UGGT1: variants seen among roughly 807,000 people sequenced by gnomAD.
UGGT1 encodes the protein UDP-glucose:glycoprotein glucosyltransferase 1.
In UGGT1, 107 loss-of-function variants were observed where a neutral mutation model predicts 203.9. The observed-to-expected ratio is 0.52, with a 90% CI of 0.45 to 0.62. The LOEUF (loss-of-function observed/expected upper bound fraction) is 0.62. Among genes scored for constraint, UGGT1 ranks in the 20% least tolerant of loss-of-function variants. UGGT1 has a pLI of 0.00. For synonymous variants in UGGT1, 628 were observed against 653.5 expected (o/e 0.96, Z 0.59); for missense variants, 1,673 against 1,867.2 (o/e 0.90, Z 1.92).
intron 2 of UGGT1, 98 bp from the exon 3 acceptor site, chr2:128,103,834 C>A: frequency 1.4e-6 from 1 of 738,650 alleles, no homozygotes; most frequent in Non-Finnish European, 2.1e-6. Context: ...AAACTATGGA[C>A]ATTTGGAAAC....
At chr2:128,181,353 T>C (rs1310821776) in intron 36 of UGGT1, among the ~76,000 whole-genome samples, 1 of 152,196 alleles carries the variant, frequency 6.6e-6, no homozygotes, top group Non-Finnish European at 1.5e-5. Flanking sequence ...AATTAGAAAA[T>C]TAACATTTAG....
intron 2 of UGGT1, among the ~76,000 whole-genome samples, chr2:128,102,894 T>G (rs761719082): frequency 2.6e-5 from 4 of 152,198 alleles, no homozygotes; most frequent in Non-Finnish European, 5.9e-5. Flanking sequence ...TCTTAGACTA[T>G]AAGCTATGCC....
At position 128,157,315 on chromosome 2, in the gene UGGT1, G is replaced by A. The variant is rs1227027905; in HGVS notation, c.2324G>A (p.Arg775Gln). 3.7e-6 allele frequency: 6 copies of A among 1,613,992 alleles called. No homozygotes were observed. The highest frequency in any genetic ancestry group is 5.1e-6 in the Non-Finnish European group (6 of 1,179,954). ...IVGDFDSPSGRQLLYDAIKHQ... is the reference protein window; with the variant it reads ...IVGDFDSPSGQQLLYDAIKHQ... ...GGGGATTTTGATAGCCCTTCTGGAC[G>A]GCAGTTACTGTATGATGCCATCAAA... Residue 775 changes from arginine (R) to glutamine (Q), a missense_variant, in exon 22 of 41, where the codon CGG becomes CAG. Arg to Gln is a conservative substitution (Grantham distance 43). Coordinates refer to ENST00000259253, the MANE Select transcript of UGGT1 (RefSeq NM_020120.4).
intron 11 of UGGT1, among the ~76,000 whole-genome samples, chr2:128,124,051 T>C (rs998121230): frequency 1.8e-4 from 27 of 152,162 alleles, no homozygotes; most frequent in African/African-American, 6.5e-4. Flanking sequence ...GTTCACGCCA[T>C]TCTTCTTCCT....
intron 8 of UGGT1, among the ~76,000 whole-genome samples, chr2:128,117,178 C>T (rs1013998588): frequency 1.3e-5 from 2 of 152,104 alleles, no homozygotes; most frequent in African/African-American, 2.4e-5. Context: ...CAACCTCCGT[C>T]TCCTGGGTTC....
At chr2:128,184,208 T>C (rs775677065) in intron 38 of UGGT1, among the ~76,000 whole-genome samples, 3 of 152,190 alleles carry the variant, frequency 2.0e-5, no homozygotes, top group South Asian at 4.2e-4. Context: ...TTCCCCTTTT[T>C]CTATGTCAGA....
chr2:128,169,261 C>T (rs1035510125), intron 26 of UGGT1, among the ~76,000 whole-genome samples: 1 of 151,950 alleles, frequency 6.6e-6, no homozygotes, highest in Non-Finnish European at 1.5e-5. Context: ...GTCCTAGCTA[C>T]TTAGGAGGCT....
At chr2:128,125,256 G>A (rs1231792681) in intron 11 of UGGT1, among the ~76,000 whole-genome samples, 1 of 151,994 alleles carries the variant, frequency 6.6e-6, no homozygotes, top group African/African-American at 2.4e-5. Context: ...TCTTTTCCAG[G>A]GAATGAGCCT....
chr2:128,105,308 A>G (rs1019027956), intron 3 of UGGT1, among the ~76,000 whole-genome samples: 2 of 148,354 alleles, frequency 1.3e-5, no homozygotes, highest in South Asian at 2.1e-4. Context: ...CCAAAGATTT[A>G]TTTTATTTAT....
chr2:128,113,161 C>CT lies in UGGT1; in HGVS notation c.600dup (p.Glu201Ter). 3.1e-6 allele frequency: 5 copies of CT among 1,613,014 alleles called. No homozygotes were observed. The highest frequency in any genetic ancestry group is 4.2e-6 in the Non-Finnish European group (5 of 1,179,436). The stretch of plus-strand genomic sequence containing the variant: ...GAAAGCCCTGTGGTGATTTTCTACT[C>CT]TGAGATTGGCTCTGAGGAATTTTCC... On this transcript the variant is annotated frameshift_variant, in exon 6 of 41. Coordinates refer to ENST00000259253, the MANE Select transcript of UGGT1 (RefSeq NM_020120.4). LOFTEE classifies it high-confidence loss of function.
At chr2:128,150,070 T>A (rs946688903) in intron 18 of UGGT1, among the ~76,000 whole-genome samples, 3 of 152,230 alleles carry the variant, frequency 2.0e-5, no homozygotes, top group Non-Finnish European at 2.9e-5. Flanking sequence ...AATATTCTAA[T>A]ATGTATATAC....
At chr2:128,119,403 A>C (rs1688271329) in intron 8 of UGGT1, among the ~76,000 whole-genome samples, 1 of 152,110 alleles carries the variant, frequency 6.6e-6, no homozygotes, top group South Asian at 2.1e-4. Flanking sequence ...ATTGCACTCC[A>C]GCCTGGGCAA....
rs569877054 is a variant in UGGT1, at chr2:128,151,187, T to C, written c.2017-1597T>C. ...ATTTCACCTGCAGCCAGGGGTCCCT[T>C]CCCCATAGCCTTCTATTTTAGCTCC... On this transcript the variant is annotated intron_variant, in intron 18 of 40. Transcript: ENST00000259253. 8.3e-4 allele frequency: 429 copies of C among 515,506 alleles called. 10 individuals are homozygous for C. The highest frequency in any genetic ancestry group is 6.7e-3 in the South Asian group (412 of 61,112). The allele number at this position is 515,506 out of a possible 1,614,324, so 31.9% of individuals were successfully genotyped here. A position where few individuals can be genotyped will look rare whatever the true frequency, so the allele number is the denominator to read the frequency against.
In UGGT1 at chr2:128,143,220, C is replaced by T. The variant is rs371831015; in HGVS notation, c.1846C>T (p.Arg616Trp). 5.7e-5 allele frequency: 92 copies of T among 1,612,758 alleles called. No homozygotes were observed. Among genetic ancestry groups the T allele is most frequent in the East Asian group, 1.3e-4 (6 of 44,812 alleles). The change falls in exon 17 of 41, where the codon CGG becomes TGG. Residue 616 changes from arginine to tryptophan, a missense_variant. Around this residue, in one of 4 missense-constraint regions of UGGT1, gnomAD observed 1,073 missense variants for 1,078.7 expected, o/e 0.99. Transcript: ENST00000259253. ...LGIDSAYDRN[R>W]KEARGYYEQT... is the part of the protein sequence containing the mutation. Reference sequence around the variant, plus strand: ...GATTGATTCTGCTTATGATCGGAATCGGAAGGTAAAAAATTTCTTTGTGTT... The same window carrying T: ...GATTGATTCTGCTTATGATCGGAATTGGAAGGTAAAAAATTTCTTTGTGTT...
At chr2:128,099,303 CT>C (rs1452519106) in intron 2 of UGGT1, among the ~76,000 whole-genome samples, 1 of 152,086 alleles carries the variant, frequency 6.6e-6, no homozygotes, top group Non-Finnish European at 1.5e-5. Flanking sequence ...GCCACTACCC[CT>C]GGCTTATTTT....
At chr2:128,178,268 G>A (rs1388134754) in intron 33 of UGGT1, among the ~76,000 whole-genome samples, 200 bp from the exon 34 acceptor site, 1 of 152,156 alleles carries the variant, frequency 6.6e-6, no homozygotes, top group Non-Finnish European at 1.5e-5. Flanking sequence ...AACACTGTCG[G>A]AGAGTGAACA....
At position 128,131,680 on chromosome 2, in the gene UGGT1, T is replaced by C. The variant is rs536168120; in HGVS notation, c.1378-1461T>C. Among the ~76,000 whole-genome samples the C allele has an allele frequency of 2.0e-5, 3 of 152,178 alleles. No individual in the cohort carries two copies. In the South Asian group the frequency reaches 6.2e-4, roughly 32 times the overall value. ...GTCTCGCTCTCTTGCCAGGCTGAAG[T>C]GCAGTGGTGTGATCTCAGCTCACTG... On this transcript the variant is annotated intron_variant, in intron 13 of 40. Transcript: ENST00000259253.
chr2:128,187,467 A>G lies in UGGT1; in HGVS notation c.4495A>G (p.Lys1499Glu). 1 of 1,613,976 alleles carries G rather than the reference A, an allele frequency of 6.2e-7. No individual in the cohort carries two copies. Among genetic ancestry groups the G allele is most frequent in the Non-Finnish European group, 8.5e-7 (1 of 1,179,862 alleles). The change falls in exon 40 of 41, where the codon AAA (lysine) becomes GAA (glutamate). Residue 1499 changes from lysine (K) to glutamate (E), a missense_variant. Physicochemically the swap from Lys to Glu is moderately conservative, Grantham distance 56. Around this residue, in one of 4 missense-constraint regions of UGGT1, gnomAD observed 513 missense variants for 684.1 expected, o/e 0.75. Transcript: ENST00000259253. ...TIDLCNNPMT[K>E]EPKLEAAVRI... ...TTCACAGTGTAATAATCCGATGACC[A>G]AAGAGCCGAAACTGGAAGCAGCTGT...
intron 18 of UGGT1, 125 bp from the exon 19 acceptor site, chr2:128,152,659 G>T: frequency 7.6e-7 from 1 of 1,322,024 alleles, no homozygotes; most frequent in Non-Finnish European, 1.0e-6. Flanking sequence ...AGTAACTTCT[G>T]TCTTAACTAT....
Sources: allele counts gnomAD v4.1 joint callset (sites outside exome capture counted in the v4.1 genomes callset), GRCh38; gene constraint gnomAD v4.1.1; regional missense constraint gnomAD v4.1.1; transcripts MANE v1.5; gene names NCBI Gene and HGNC (gene_info 2026-07-23, HGNC 2026-07-21).